EVA1A: variants seen among roughly 807,000 people sequenced by gnomAD.
EVA1A encodes the protein protein eva-1 homolog A.
In EVA1A, 7 loss-of-function variants were observed where a neutral mutation model predicts 9.8. The ratio of observed to expected loss-of-function variants is 0.71; its 90% CI spans 0.41 to 1.34. EVA1A has a LOEUF of 1.34. Ranked by LOEUF, EVA1A falls within the 40% of genes most tolerant of loss-of-function variation. The pLI is 0.01. For missense variants in EVA1A, 206 were observed against 205.9 expected (o/e 1.00, Z 0.00); for synonymous variants, 90 against 85.6 (o/e 1.05, Z -0.28).
upstream of EVA1A, among the ~76,000 whole-genome samples, chr2:75,562,905 GAAAT>G (rs1553422824): frequency 1.3e-5 from 2 of 152,194 alleles, no homozygotes; most frequent in East Asian, 1.9e-4. Flanking sequence ...AATTAGTAAA[GAAAT>G]AAATAGATAG....
In EVA1A at chr2:75,493,038, G is replaced by A; in HGVS notation, c.*198C>T. 1 of 727,412 alleles carries A rather than the reference G, an allele frequency of 1.4e-6. No homozygotes were observed. Among genetic ancestry groups the A allele is most frequent in the Middle Eastern group, 4.1e-4 (1 of 2,442 alleles). 45.1% of individuals were successfully genotyped at this position (727,412 alleles called of 1,614,324 possible). A position where few individuals can be genotyped will look rare whatever the true frequency, so the allele number is the denominator to read the frequency against. On this transcript the variant is annotated 3_prime_UTR_variant, in exon 4 of 4. Coordinates refer to ENST00000393913, the MANE Select transcript of EVA1A (RefSeq NM_001135032.2). ...CATTCCGAGACCTGGAAAGGGTGAT[G>A]AACTGCTTTGATTTTTCTACTTCTC...
Position 75,493,293 on chromosome 2 carries a change from G to T in EVA1A, c.402C>A (p.Ile134=), listed in dbSNP as rs1674092240. The T allele has an allele frequency of 6.2e-7, 1 of 1,614,088 alleles. No individual in the cohort carries two copies. The highest frequency in any genetic ancestry group is 8.5e-7 in the Non-Finnish European group (1 of 1,179,970). The part of the protein sequence containing the change: ...LEERERIIRE[I]WMNGQPEVPG... Reference sequence around the variant, plus strand: ...GCACCTCAGGCTGGCCATTCATCCAGATCTCCCTGATGATGCGCTCGCGCT... The same window carrying T: ...GCACCTCAGGCTGGCCATTCATCCATATCTCCCTGATGATGCGCTCGCGCT... Residue 134 remains isoleucine, a synonymous_variant, in exon 4 of 4, where the codon ATC becomes ATA. Transcript: ENST00000393913.
chr2:75,557,676 T>A (rs1188206968), intron 1 of EVA1A, among the ~76,000 whole-genome samples: 1 of 152,060 alleles, frequency 6.6e-6, no homozygotes, highest in East Asian at 1.9e-4. Flanking sequence ...GTTGACTCCA[T>A]CCCCCCATCC....
At chr2:75,564,475 A>G (rs1017393436), upstream of EVA1A, among the ~76,000 whole-genome samples, 2 of 152,222 alleles carry the variant, frequency 1.3e-5, no homozygotes. Flanking sequence ...CAGGGCTCCC[A>G]TGGCGCTGGT....
At chr2:75,563,026 C>A (rs923481870), upstream of EVA1A, among the ~76,000 whole-genome samples, 2 of 152,206 alleles carry the variant, frequency 1.3e-5, no homozygotes, top group Admixed American at 6.5e-5. Context: ...AGCACTCTGA[C>A]CCAATCTACC....
At chr2:75,543,597 G>T (rs895234185) in intron 1 of EVA1A, among the ~76,000 whole-genome samples, 1 of 152,186 alleles carries the variant, frequency 6.6e-6, no homozygotes, top group Non-Finnish European at 1.5e-5. Context: ...AAGGAGCTGG[G>T]GGGAGAGAAG....
At chr2:75,514,274 A>G (rs1674925364) in intron 3 of EVA1A, among the ~76,000 whole-genome samples, 3 of 152,146 alleles carry the variant, frequency 2.0e-5, no homozygotes, top group Non-Finnish European at 2.9e-5. Context: ...TAAAAATCCT[A>G]TTTCTGGATT....
chr2:75,509,868 T>C (rs972733150), intron 3 of EVA1A, among the ~76,000 whole-genome samples: 1 of 152,032 alleles, frequency 6.6e-6, no homozygotes, highest in Non-Finnish European at 1.5e-5. Context: ...ACAATTAAGA[T>C]TGTACCTTTC....
chr2:75,561,140 C>G (rs908621902), upstream of EVA1A: 3 of 152,210 alleles, frequency 2.0e-5, no homozygotes, highest in African/African-American at 7.2e-5. Flanking sequence ...TCCTGCCTGC[C>G]TCCCCGCGCT....
rs1674108400 is a variant in EVA1A, at chr2:75,493,692, T to C, written c.86-83A>G. ...ATCCAATATGACTCCAGCCTACACTTCTCACCAGGCCCCAAAGTTTTGATG... is the reference window on the plus strand; with the variant it reads ...ATCCAATATGACTCCAGCCTACACTCCTCACCAGGCCCCAAAGTTTTGATG... On this transcript the variant is annotated intron_variant, in intron 3 of 3. Coordinates refer to ENST00000393913, the MANE Select transcript of EVA1A (RefSeq NM_001135032.2). 6 of 1,349,506 alleles carry C rather than the reference T, an allele frequency of 4.4e-6. No homozygotes were observed. In the South Asian group the frequency reaches 6.3e-5, roughly 14 times the overall value. 83.6% of individuals were successfully genotyped at this position (1,349,506 alleles called of 1,614,324 possible). A position where few individuals can be genotyped will look rare whatever the true frequency, so the allele number is the denominator to read the frequency against.
chr2:75,569,647 C>T (rs1240564900), exon 1 of EVA1A: 1 of 152,302 alleles, frequency 6.6e-6, no homozygotes, highest in Non-Finnish European at 1.5e-5. Context: ...ACATATCTCT[C>T]CCAACCATTC....
At chr2:75,518,618 C>T (rs554373149) in intron 2 of EVA1A, 55 of 988,356 alleles carry the variant, frequency 5.6e-5, no homozygotes, top group South Asian at 3.3e-4. Flanking sequence ...CTTCCTAATT[C>T]CCAGTAAACA....
chr2:75,523,500 G>T (rs1675303039), intron 1 of EVA1A, among the ~76,000 whole-genome samples: 1 of 152,196 alleles, frequency 6.6e-6, no homozygotes, highest in African/African-American at 2.4e-5. Context: ...TGGCCCCAGA[G>T]AAATAACTGA....
intron 1 of EVA1A, among the ~76,000 whole-genome samples, chr2:75,531,507 A>G (rs1352062748): frequency 6.6e-6 from 1 of 151,086 alleles, no homozygotes; most frequent in Non-Finnish European, 1.5e-5. Context: ...TCAAATGCCC[A>G]TCAATGAGTG....
chr2:75,546,427 G>T (rs1346956847), intron 1 of EVA1A, among the ~76,000 whole-genome samples: 7 of 152,130 alleles, frequency 4.6e-5, no homozygotes, highest in African/African-American at 1.7e-4. Context: ...TGCAGTGAAT[G>T]AAGATGAGAG....
chr2:75,518,390 T>C (rs1342115063), intron 2 of EVA1A, among the ~76,000 whole-genome samples, 182 bp from the exon 3 acceptor site: 4 of 152,124 alleles, frequency 2.6e-5, no homozygotes, highest in East Asian at 1.9e-4. Context: ...AGCTTCACTA[T>C]AGAGCTAAGG....
At chr2:75,500,686 T>C (rs1674383811) in intron 3 of EVA1A, among the ~76,000 whole-genome samples, 1 of 151,788 alleles carries the variant, frequency 6.6e-6, no homozygotes. Context: ...GCAAGTTCTC[T>C]CTCTTACCTC....
At chr2:75,515,385 A>C (rs776734992) in intron 3 of EVA1A, among the ~76,000 whole-genome samples, 4 of 152,230 alleles carry the variant, frequency 2.6e-5, no homozygotes, top group Admixed American at 6.5e-5. Context: ...AGCTCAGCTG[A>C]GATTGGAGAC....
At chr2:75,520,271 A>C (rs2103853901) in intron 2 of EVA1A, among the ~76,000 whole-genome samples, 1 of 152,280 alleles carries the variant, frequency 6.6e-6, no homozygotes, top group African/African-American at 2.4e-5. Context: ...AATGTTTCCT[A>C]TAAGAAAGAA....
Sources: gnomAD v4.1 joint callset for allele counts (sites outside exome capture counted in the v4.1 genomes callset) on GRCh38, gnomAD v4.1.1 for gene constraint, MANE v1.5 for transcripts, NCBI Gene and HGNC (gene_info 2026-07-23, HGNC 2026-07-21) for gene names.